DZIP3: variants seen among roughly 807,000 people sequenced by gnomAD.
DZIP3 encodes the protein DAZ interacting zinc finger protein 3, also known as E3 ubiquitin-protein ligase DZIP3.
Under a neutral mutation model 162.0 loss-of-function variants are expected in DZIP3, and 118 were observed. That is an observed-to-expected ratio of 0.73 (90% CI 0.63 to 0.85). The LOEUF (loss-of-function observed/expected upper bound fraction) is 0.85. DZIP3 is among the 40% of genes least tolerant of loss of function. DZIP3 has a pLI of 0.00. For missense variants in DZIP3, 1,331 were observed against 1,407.0 expected, an observed-to-expected ratio of 0.95 and a Z score of 0.86; for synonymous variants, 438 against 458.6, an observed-to-expected ratio of 0.96 and a Z score of 0.57.
chr3:108,640,396 C>CT (rs34733401), intron 12 of DZIP3, among the ~76,000 whole-genome samples: 34,154 of 101,710 alleles, frequency 0.34, 6,218 homozygotes, highest in Non-Finnish European at 0.37. Flanking sequence ...GAATTGTTAC[C>CT]TTTTTTTTTT....
chr3:108,615,380 G>A (rs1156474119), intron 4 of DZIP3, among the ~76,000 whole-genome samples: 1 of 152,152 alleles, frequency 6.6e-6, no homozygotes, highest in Non-Finnish European at 1.5e-5. Flanking sequence ...TTTGAGCTTG[G>A]AATGTAGGTG....
At chr3:108,688,385 A>G (rs893308550) in intron 29 of DZIP3, among the ~76,000 whole-genome samples, 18 of 152,188 alleles carry the variant, frequency 1.2e-4, no homozygotes, top group African/African-American at 4.3e-4. Context: ...TGAAAGATTT[A>G]TTTTAATTAA....
At chr3:108,596,961 G>A (rs1422502530) in intron 1 of DZIP3, among the ~76,000 whole-genome samples, 1 of 151,996 alleles carries the variant, frequency 6.6e-6, no homozygotes, top group Non-Finnish European at 1.5e-5. Context: ...CTAGGCATGG[G>A]GTCATTTAGA....
intron 1 of DZIP3, among the ~76,000 whole-genome samples, chr3:108,600,716 A>C (rs1333349243): frequency 6.6e-6 from 1 of 152,180 alleles, no homozygotes; most frequent in African/African-American, 2.4e-5. Flanking sequence ...ACACTTATAT[A>C]GTGCTTACTA....
intron 5 of DZIP3, among the ~76,000 whole-genome samples, chr3:108,619,261 G>C (rs947423680): frequency 1.3e-5 from 2 of 151,216 alleles, no homozygotes; most frequent in South Asian, 2.1e-4. Flanking sequence ...AACCAGACTG[G>C]TTTTTGCTGT....
chr3:108,693,580 A>G lies in DZIP3; in HGVS notation c.*227A>G, dbSNP rs1944780224. ...CTTTCCCTTAAGAGCTAGTTGTTAA[A>G]CCTTTACCAGCATACCACTGGACCT... On this transcript the variant is annotated 3_prime_UTR_variant, in exon 33 of 33. Transcript: ENST00000361582. 1 of 152,086 alleles carries G rather than the reference A, an allele frequency of 6.6e-6. No individual in the cohort carries two copies. The highest frequency in any genetic ancestry group is 6.6e-5 in the Admixed American group (1 of 15,256). 9.4% of individuals were successfully genotyped at this position (152,086 alleles called of 1,614,324 possible). A position where few individuals can be genotyped will look rare whatever the true frequency, so the allele number is the denominator to read the frequency against.
intron 26 of DZIP3, among the ~76,000 whole-genome samples, chr3:108,683,207 A>C (rs1944381657): frequency 1.3e-5 from 2 of 150,816 alleles, no homozygotes; most frequent in Admixed American, 1.3e-4. Flanking sequence ...CTCTTACTGG[A>C]TATAATCATA....
At chr3:108,672,091 G>A (rs1452958810) in intron 22 of DZIP3, among the ~76,000 whole-genome samples, 1 of 151,948 alleles carries the variant, frequency 6.6e-6, no homozygotes, top group African/African-American at 2.4e-5. Flanking sequence ...GCAGAAGGCA[G>A]GCAAGGAAGC....
chr3:108,608,165 G>T lies in DZIP3; in HGVS notation c.102+7G>T. 1 of 1,605,240 alleles carries T rather than the reference G, an allele frequency of 6.2e-7. No individual in the cohort carries two copies. The highest frequency in any genetic ancestry group is 8.5e-7 in the Non-Finnish European group (1 of 1,173,560). On this transcript the variant is annotated splice_region_variant and intron_variant, in intron 3 of 32. Transcript: ENST00000361582. ...AAAATCATCTGGTCAACTGGTAAGA[G>T]AAAGTTTAATTTTCATTAACTGTTA...
intron 5 of DZIP3, among the ~76,000 whole-genome samples, chr3:108,622,880 C>CTCTCTGTGTGTGTGTGTGTG (rs796232998): frequency 1.9e-5 from 1 of 53,082 alleles, no homozygotes; most frequent in African/African-American, 7.8e-5. Flanking sequence ...CTCTCTCTCT[C>CTCTCTGTGTGTGTGTGTGTG]TGTGTGTGTG....
At chr3:108,626,188 C>T (rs750212764) in intron 7 of DZIP3, among the ~76,000 whole-genome samples, 1 of 152,204 alleles carries the variant, frequency 6.6e-6, no homozygotes, top group African/African-American at 2.4e-5. Flanking sequence ...CTAGCATTAA[C>T]ATTAGGAGCA....
chr3:108,690,652 G>T, intron 31 of DZIP3, 135 bp from the exon 32 acceptor site: 2 of 704,790 alleles, frequency 2.8e-6, no homozygotes, highest in Non-Finnish European at 4.7e-6. Flanking sequence ...TGCAGCAATT[G>T]GTTTGACGAT....
chr3:108,648,068 A>G lies in DZIP3; in HGVS notation c.1918A>G (p.Ile640Val), dbSNP rs138378872. 7 of 1,609,576 alleles carry G rather than the reference A, an allele frequency of 4.3e-6. No homozygotes were observed. Among genetic ancestry groups the G allele is most frequent in the African/African-American group, 1.3e-5 (1 of 74,662 alleles). ...AGAAATTAATAAAGATGGGACCTCA[A>G]TACCCAGTGAATCTTCAACAGAATC... Reference protein sequence around the residue: ...FAEINKDGTSIPSESSTESLK... With the variant: ...FAEINKDGTSVPSESSTESLK... Residue 640 changes from isoleucine (I) to valine (V), a missense_variant, in exon 16 of 33, where the codon ATA (isoleucine) becomes GTA (valine). By Grantham distance (29) the Ile-to-Val change is conservative. This residue lies in a region of DZIP3 where 1,278 missense variants were observed against 1,317.1 expected (regional missense o/e 0.97). Transcript: ENST00000361582.
chr3:108,627,300 A>G (rs778929262), intron 7 of DZIP3, among the ~76,000 whole-genome samples: 1 of 152,242 alleles, frequency 6.6e-6, no homozygotes, highest in Non-Finnish European at 1.5e-5. Flanking sequence ...TAGAAAGTCC[A>G]GTTGTATGGC....
At chr3:108,620,184 G>T (rs995380853) in intron 5 of DZIP3, among the ~76,000 whole-genome samples, 1 of 152,188 alleles carries the variant, frequency 6.6e-6, no homozygotes, top group Non-Finnish European at 1.5e-5. Context: ...CAATGAAAAT[G>T]TAGCAACATC....
chr3:108,645,495 C>G (rs898442276), intron 14 of DZIP3, among the ~76,000 whole-genome samples: 5 of 152,114 alleles, frequency 3.3e-5, no homozygotes, highest in Admixed American at 6.6e-5. Flanking sequence ...TCTATTGATA[C>G]GGAAAAGACT....
intron 8 of DZIP3, among the ~76,000 whole-genome samples, chr3:108,631,067 T>TCA (rs1941859743): frequency 1.4e-4 from 12 of 83,300 alleles, no homozygotes; most frequent in Non-Finnish European, 2.6e-4. Flanking sequence ...TCTCTCTCTC[T>TCA]CTCTCTCTCT....
At chr3:108,669,586 C>T (rs1943843959) in intron 21 of DZIP3, 95 bp from the exon 22 acceptor site, 5 of 1,114,582 alleles carry the variant, frequency 4.5e-6, no homozygotes, top group Non-Finnish European at 6.5e-6. Context: ...AATGGACATA[C>T]TTTATCTCCT....
chr3:108,685,722 G>C (rs908537870), intron 27 of DZIP3, among the ~76,000 whole-genome samples: 5 of 152,100 alleles, frequency 3.3e-5, no homozygotes, highest in Admixed American at 6.6e-5. Flanking sequence ...TTTGAAAAAT[G>C]TAACTTTACT....
Sources: allele counts gnomAD v4.1 joint callset (sites outside exome capture counted in the v4.1 genomes callset), GRCh38; gene constraint gnomAD v4.1.1; regional missense constraint gnomAD v4.1.1; transcripts MANE v1.5; gene names NCBI Gene and HGNC (gene_info 2026-07-23, HGNC 2026-07-21).